Variants in DLGAP1 observed in about 807,000 individuals in gnomAD.
DLGAP1 encodes the protein DLG associated protein 1.
In DLGAP1, 11 loss-of-function variants were observed where a neutral mutation model predicts 90.8. The observed-to-expected ratio is 0.12, with a 90% CI of 0.08 to 0.20. The LOEUF (loss-of-function observed/expected upper bound fraction) is 0.20, where lower values mean the gene tolerates loss of function less well. DLGAP1 is among the 10% of genes least tolerant of loss of function. The pLI is 1.00. For synonymous variants in DLGAP1, 558 were observed against 540.7 expected, an observed-to-expected ratio of 1.03 and a Z score of -0.44; for missense variants, 1,050 against 1,333.8, an observed-to-expected ratio of 0.79 and a Z score of 3.31.
At chr18:3,970,883 C>T (rs142868847) in intron 3 of DLGAP1, among the ~76,000 whole-genome samples, 37 of 152,234 alleles carry the variant, frequency 2.4e-4, no homozygotes, top group Middle Eastern at 3.4e-3. Flanking sequence ...TTCTGAGGTC[C>T]CCATAGGAGC....
At chr18:4,384,268 G>A (rs1409509746) in intron 1 of DLGAP1, among the ~76,000 whole-genome samples, 6 of 152,104 alleles carry the variant, frequency 3.9e-5, no homozygotes, top group African/African-American at 2.4e-5. Context: ...GTCTGATTTC[G>A]AAAGATCTCT....
At chr18:3,742,627 G>A in intron 5 of DLGAP1, 115 bp from the exon 6 acceptor site, 1 of 1,235,910 alleles carries the variant, frequency 8.1e-7, no homozygotes, top group Non-Finnish European at 1.1e-6. Context: ...AAATGACATA[G>A]ATGCCCTTCT....
At chr18:3,875,560 C>T (rs979077637) in intron 4 of DLGAP1, among the ~76,000 whole-genome samples, 1 of 152,160 alleles carries the variant, frequency 6.6e-6, no homozygotes, top group Non-Finnish European at 1.5e-5. Context: ...TCAGTTTTGA[C>T]CCAACGTGTT....
chr18:3,619,192 G>A (rs1040955562), intron 7 of DLGAP1, among the ~76,000 whole-genome samples: 3 of 152,146 alleles, frequency 2.0e-5, no homozygotes, highest in Admixed American at 2.0e-4. Flanking sequence ...CCCCATCTAT[G>A]GTACTTAGTT....
chr18:4,374,111 T>G (rs2081970496), intron 1 of DLGAP1, among the ~76,000 whole-genome samples: 1 of 152,184 alleles, frequency 6.6e-6, no homozygotes, highest in South Asian at 2.1e-4. Context: ...ACAAAGTTAC[T>G]TGTCTGTAAA....
chr18:3,844,584 A>C (rs1212851462), intron 4 of DLGAP1, among the ~76,000 whole-genome samples: 1 of 152,194 alleles, frequency 6.6e-6, no homozygotes, highest in Non-Finnish European at 1.5e-5. Context: ...CTTAGTGGAC[A>C]AGTACATTTT....
At chr18:3,830,493 G>A (rs1217866216) in intron 4 of DLGAP1, among the ~76,000 whole-genome samples, 1 of 152,234 alleles carries the variant, frequency 6.6e-6, no homozygotes, top group East Asian at 1.9e-4. Flanking sequence ...TTGAACCCGG[G>A]AGGCGGAGGT....
At chr18:4,060,577 A>T (rs4439846) in intron 2 of DLGAP1, among the ~76,000 whole-genome samples, 2 of 152,102 alleles carry the variant, frequency 1.3e-5, no homozygotes, top group Non-Finnish European at 2.9e-5. Flanking sequence ...ATCTTGAGGA[A>T]GAATAGCTTC....
intron 3 of DLGAP1, among the ~76,000 whole-genome samples, chr18:3,994,895 ATT>A (rs1230173688): frequency 6.6e-6 from 1 of 152,236 alleles, no homozygotes; most frequent in Non-Finnish European, 1.5e-5. Flanking sequence ...AGAGAAATAG[ATT>A]TGTTACTTGA....
At chr18:3,602,713 C>G (rs1045914657) in intron 7 of DLGAP1, among the ~76,000 whole-genome samples, 2 of 152,048 alleles carry the variant, frequency 1.3e-5, no homozygotes, top group African/African-American at 4.8e-5. Context: ...ACAGCACTGC[C>G]TCCTGGTGCG....
chr18:4,355,337 T>G (rs1334582111), intron 1 of DLGAP1, among the ~76,000 whole-genome samples: 1 of 152,216 alleles, frequency 6.6e-6, no homozygotes, highest in African/African-American at 2.4e-5. Context: ...TACTGTGTGT[T>G]AAAAGTCAGC....
intron 3 of DLGAP1, among the ~76,000 whole-genome samples, chr18:3,974,034 T>C (rs565735747): frequency 3.3e-5 from 5 of 152,314 alleles, no homozygotes; most frequent in Non-Finnish European, 7.4e-5. Flanking sequence ...TATTTGTGTA[T>C]CTAACCTATC....
chr18:3,790,983 A>G (rs2065704654), intron 5 of DLGAP1, among the ~76,000 whole-genome samples: 1 of 152,202 alleles, frequency 6.6e-6, no homozygotes, highest in Admixed American at 6.5e-5. Flanking sequence ...TCATTAAAAC[A>G]AAAGAACCAA....
intron 1 of DLGAP1, among the ~76,000 whole-genome samples, chr18:4,190,464 T>C (rs769057047): frequency 1.3e-5 from 2 of 152,140 alleles, no homozygotes; most frequent in Non-Finnish European, 2.9e-5. Flanking sequence ...CATGACATTA[T>C]ACACTCGTCA....
At chr18:4,075,146 C>T (rs530479540) in intron 2 of DLGAP1, among the ~76,000 whole-genome samples, 70 of 152,268 alleles carry the variant, frequency 4.6e-4, no homozygotes, top group African/African-American at 1.6e-3. Flanking sequence ...AGCCACTTGA[C>T]ATTAAAATGC....
At chr18:4,406,502 G>T (rs1214248014) in intron 1 of DLGAP1, among the ~76,000 whole-genome samples, 1 of 152,124 alleles carries the variant, frequency 6.6e-6, no homozygotes, top group Non-Finnish European at 1.5e-5. Flanking sequence ...TCTGTGAGGT[G>T]GGGAAGGTAT....
At chr18:3,980,904 T>C (rs2073714320) in intron 3 of DLGAP1, among the ~76,000 whole-genome samples, 1 of 152,238 alleles carries the variant, frequency 6.6e-6, no homozygotes, top group East Asian at 1.9e-4. Context: ...CTTAAAATTC[T>C]ACTCTTGTAG....
At chr18:3,588,128 CAG>C (rs1428196062) in intron 7 of DLGAP1, among the ~76,000 whole-genome samples, 2 of 152,178 alleles carry the variant, frequency 1.3e-5, no homozygotes, top group Admixed American at 6.5e-5. Flanking sequence ...CTGTAGTGCA[CAG>C]AGAGACCAGA....
At chr18:3,635,177 C>T (rs965608629) in intron 7 of DLGAP1, among the ~76,000 whole-genome samples, 2 of 149,394 alleles carry the variant, frequency 1.3e-5, no homozygotes, top group African/African-American at 5.0e-5. Flanking sequence ...TTCACCCAGG[C>T]TGGAGTGCAG....
Sources: allele counts gnomAD v4.1 joint callset (sites outside exome capture counted in the v4.1 genomes callset), GRCh38; gene constraint gnomAD v4.1.1; transcripts MANE v1.5; gene names NCBI Gene and HGNC (gene_info 2026-07-23, HGNC 2026-07-21).